Variants in ARRDC1 observed in about 807,000 individuals in gnomAD.
ARRDC1 encodes arrestin domain-containing protein 1.
Under a neutral mutation model 40.1 loss-of-function variants are expected in ARRDC1, and 37 were observed. The observed-to-expected ratio is 0.92, with a 90% CI of 0.71 to 1.21. ARRDC1 has a LOEUF of 1.21. Ranked by LOEUF, ARRDC1 falls within the 50% of genes most tolerant of loss-of-function variation. ARRDC1 has a pLI of 0.00. For missense variants in ARRDC1, 641 were observed against 581.9 expected, an observed-to-expected ratio of 1.10 and a Z score of -1.04; for synonymous variants, 310 against 262.5, an observed-to-expected ratio of 1.18 and a Z score of -1.75.
rs1431433979 is a variant in ARRDC1, at chr9:137,614,110, A to G, written c.514A>G (p.Thr172Ala). 2.5e-6 allele frequency: 4 copies of G among 1,613,608 alleles called. No individual in the cohort carries two copies. Among genetic ancestry groups the G allele is most frequent in the Non-Finnish European group, 3.4e-6 (4 of 1,179,974 alleles). Residue 172 changes from threonine (T) to alanine (A), a missense_variant, in exon 5 of 8, where the codon ACT becomes GCT. Physicochemically the swap from Thr to Ala is moderately conservative, Grantham distance 58. Transcript: ENST00000371421. ...GGGCAGCGTGGTCCTCACAGCCAGC[A>G]CTGATCTCCGCGGCTATGTGGTGGG... ...KTGSVVLTAS[T>A]DLRGYVVGQA...
At position 137,615,315 on chromosome 9, in the gene ARRDC1, G is replaced by A; in HGVS notation, c.*177G>A. On this transcript the variant is annotated 3_prime_UTR_variant, in exon 8 of 8. Coordinates refer to ENST00000371421, the MANE Select transcript of ARRDC1 (RefSeq NM_152285.4). Reference sequence around the variant, plus strand: ...CTGGGGTGGGGGTGGCAGGGAGCTGGGACCTGGAGAGACAACTCCTGTAAA... The same window carrying A: ...CTGGGGTGGGGGTGGCAGGGAGCTGAGACCTGGAGAGACAACTCCTGTAAA... 1 of 621,734 alleles carries A rather than the reference G, an allele frequency of 1.6e-6. No individual in the cohort carries two copies. Among genetic ancestry groups the A allele is most frequent in the South Asian group, 2.6e-5 (1 of 38,614 alleles). The allele number at this position is 621,734 out of a possible 1,614,324, so 38.5% of individuals were successfully genotyped here.
intron 4 of ARRDC1, 125 bp downstream of exon 4, chr9:137,613,894 G>C: frequency 1.3e-6 from 2 of 1,527,708 alleles, no homozygotes; most frequent in Non-Finnish European, 1.8e-6. Flanking sequence ...CCAGGGTCTG[G>C]AGGCAGTGGC....
intron 1 of ARRDC1, among the ~76,000 whole-genome samples, chr9:137,607,590 G>C (rs367545475): frequency 1.3e-5 from 2 of 152,240 alleles, no homozygotes; most frequent in Non-Finnish European, 2.9e-5. Flanking sequence ...GGTTCTCGGA[G>C]CACTCATGGT....
At chr9:137,610,345 T>A (rs1441271055) in intron 1 of ARRDC1, among the ~76,000 whole-genome samples, 1 of 152,170 alleles carries the variant, frequency 6.6e-6, no homozygotes, top group Non-Finnish European at 1.5e-5. Context: ...TACGGGTTAG[T>A]CTGGGGACCA....
Position 137,614,221 on chromosome 9 carries a change from G to GC in ARRDC1, c.618+12dup. The GC allele has an allele frequency of 1.3e-6, 2 of 1,584,886 alleles. No homozygotes were observed. Among genetic ancestry groups the GC allele is most frequent in the South Asian group, 2.3e-5 (2 of 87,550 alleles). ...GGTGGCCAGTCTGCTGCAGGTCAGA[G>GC]CCCCCGCCAGTTGCCTGGACCGGCC... On this transcript the variant is annotated splice_region_variant and intron_variant, in intron 5 of 7. Coordinates refer to ENST00000371421, the MANE Select transcript of ARRDC1 (RefSeq NM_152285.4).
chr9:137,613,307 G>A (rs1009911724), intron 2 of ARRDC1, 153 bp from the exon 3 acceptor site: 15 of 892,274 alleles, frequency 1.7e-5, no homozygotes, highest in South Asian at 1.5e-5. Context: ...CTTCACCCAA[G>A]CCACAGCCCT....
rs923943406 is a variant in ARRDC1 at position 137,614,581 on chromosome 9, C to T, written c.818C>T (p.Ala273Val). 5 of 1,613,066 alleles carry T rather than the reference C, an allele frequency of 3.1e-6. No individual in the cohort carries two copies. In the East Asian group the frequency reaches 8.9e-5, roughly 29 times the overall value. ...YLQVSLKAPE[A>V]TVTLPVFIGN... The stretch of plus-strand genomic sequence containing the variant: ...CAGGTCTCTCTGAAGGCGCCGGAAG[C>T]TACTGTGACCCTCCCGGTCTTCATT... Residue 273 changes from alanine (A) to valine (V), a missense_variant, in exon 7 of 8, where the codon GCT becomes GTT. Coordinates refer to ENST00000371421, the MANE Select transcript of ARRDC1 (RefSeq NM_152285.4).
chr9:137,613,454 C>G lies in ARRDC1; in HGVS notation c.230-6C>G, dbSNP rs367605215. ...ACTGCCCCCCACCTCCCTCCTGTCT[C>G]TGCAGGGAGCCTGCCCGCTGGAGAG... On this transcript the variant is annotated splice_polypyrimidine_tract_variant and splice_region_variant and intron_variant, in intron 2 of 7. Coordinates refer to ENST00000371421, the MANE Select transcript of ARRDC1 (RefSeq NM_152285.4). 42 of 1,610,882 alleles carry G rather than the reference C, an allele frequency of 2.6e-5. No homozygotes were observed. Among genetic ancestry groups the G allele is most frequent in the Non-Finnish European group, 3.4e-5 (40 of 1,179,640 alleles).
intron 1 of ARRDC1, chr9:137,612,636 T>C: frequency 2.4e-6 from 1 of 422,908 alleles, no homozygotes; most frequent in Non-Finnish European, 4.3e-6. Context: ...GGATGAGCGT[T>C]GGGGTCTTTC....
rs1842652518 is a variant in ARRDC1, at chr9:137,615,238, A to G, written c.*100A>G. On this transcript the variant is annotated 3_prime_UTR_variant, in exon 8 of 8. Coordinates refer to ENST00000371421, the MANE Select transcript of ARRDC1 (RefSeq NM_152285.4). Reference sequence around the variant, plus strand: ...CTTGGCCTAGCCTGGCCCACTCAGGACCTGCCCAGCCTCTGCCAGCTCCTC... The same window carrying G: ...CTTGGCCTAGCCTGGCCCACTCAGGGCCTGCCCAGCCTCTGCCAGCTCCTC... The G allele has an allele frequency of 2.6e-6, 3 of 1,158,570 alleles. No homozygotes were observed. The highest frequency in any genetic ancestry group is 3.5e-6 in the Non-Finnish European group (3 of 859,322). The allele number at this position is 1,158,570 out of a possible 1,614,324, so 71.8% of individuals were successfully genotyped here.
intron 1 of ARRDC1, among the ~76,000 whole-genome samples, chr9:137,606,846 G>A (rs79469050): frequency 1.3e-5 from 2 of 152,226 alleles, no homozygotes; most frequent in African/African-American, 4.8e-5. Context: ...GTGGTGTGTG[G>A]TGAGGCCGGC....
intron 1 of ARRDC1, among the ~76,000 whole-genome samples, chr9:137,611,079 A>C (rs1479120609): frequency 6.6e-6 from 1 of 152,234 alleles, no homozygotes; most frequent in Non-Finnish European, 1.5e-5. Flanking sequence ...TCCAGTCCCC[A>C]GGCCTCCTCT....
Position 137,614,730 on chromosome 9 carries a change from G to C in ARRDC1, c.967G>C (p.Ala323Pro), listed in dbSNP as rs764159010. ...PQEEAEAEAA[A>P]GGPHFLDPVF... ...GGAGGAGGCTGAGGCTGAGGCTGCGGCTGGCGGCCCCCACTTCTTGGACCC... is the reference window on the plus strand; with the variant it reads ...GGAGGAGGCTGAGGCTGAGGCTGCGCCTGGCGGCCCCCACTTCTTGGACCC... Residue 323 changes from alanine to proline, a missense_variant, in exon 7 of 8, where the codon GCT becomes CCT. Physicochemically the swap from Ala to Pro is conservative, Grantham distance 27 (BLOSUM62 -1). Coordinates refer to ENST00000371421, the MANE Select transcript of ARRDC1 (RefSeq NM_152285.4). The C allele has an allele frequency of 1.7e-5, 27 of 1,608,872 alleles. No individual in the cohort carries two copies. The highest frequency in any genetic ancestry group is 2.3e-5 in the Non-Finnish European group (27 of 1,177,850).
chr9:137,607,381 C>T (rs1842441916), intron 1 of ARRDC1, among the ~76,000 whole-genome samples: 1 of 152,244 alleles, frequency 6.6e-6, no homozygotes. Context: ...CCAGAGCTTG[C>T]TCACTTACTC....
At chr9:137,607,509 C>A (rs1214013228) in intron 1 of ARRDC1, among the ~76,000 whole-genome samples, 1 of 152,194 alleles carries the variant, frequency 6.6e-6, no homozygotes, top group East Asian at 1.9e-4. Flanking sequence ...CTGGCCCAGT[C>A]CAGGGCTGGG....
In ARRDC1 at chr9:137,614,027, C is replaced by T. The variant is rs145443838; in HGVS notation, c.436-5C>T. The T allele has an allele frequency of 3.7e-6, 6 of 1,613,406 alleles. No homozygotes were observed. The highest frequency in any genetic ancestry group is 4.5e-5 in the East Asian group (2 of 44,890). On this transcript the variant is annotated splice_region_variant and splice_polypyrimidine_tract_variant and intron_variant, in intron 4 of 7. Coordinates refer to ENST00000371421, the MANE Select transcript of ARRDC1 (RefSeq NM_152285.4). Reference sequence around the variant, plus strand: ...GCTAAGCCCCTCCCTGGCCCTCCCCCCAAGCAACCCAACGTGGCCTCTGCC... The same window carrying T: ...GCTAAGCCCCTCCCTGGCCCTCCCCTCAAGCAACCCAACGTGGCCTCTGCC...
At chr9:137,606,732 C>T (rs1477614076) in intron 1 of ARRDC1, among the ~76,000 whole-genome samples, 1 of 152,192 alleles carries the variant, frequency 6.6e-6, no homozygotes, top group Non-Finnish European at 1.5e-5. Context: ...GGGATGACCC[C>T]ACAGCCTCCC....
intron 2 of ARRDC1, 171 bp downstream of exon 2, chr9:137,613,177 G>T (rs1321631686): frequency 1.3e-6 from 1 of 754,060 alleles, no homozygotes; most frequent in East Asian, 2.7e-5. Flanking sequence ...CTGGGTGGCT[G>T]AAGGGGCCAC....
chr9:137,613,563 G>A (rs1842583569), intron 3 of ARRDC1, 52 bp from the exon 4 acceptor site: 45 of 1,614,026 alleles, frequency 2.8e-5, no homozygotes, highest in Non-Finnish European at 3.6e-5. Context: ...CCTGGGAGGT[G>A]GGCTCTGCAG....
Sources: allele counts gnomAD v4.1 joint callset (sites outside exome capture counted in the v4.1 genomes callset), GRCh38; gene constraint gnomAD v4.1.1; transcripts MANE v1.5; gene names NCBI Gene and HGNC (gene_info 2026-07-23, HGNC 2026-07-21).